Variants in ZEB2 observed in about 807,000 individuals in gnomAD.
ZEB2 encodes the protein zinc finger E-box binding homeobox 2.
Under a neutral mutation model 99.9 loss-of-function variants are expected in ZEB2, and 6 were observed. That is an observed-to-expected ratio of 0.06 (90% confidence interval 0.03 to 0.12). The LOEUF (loss-of-function observed/expected upper bound fraction) is 0.12, where lower values mean the gene tolerates loss of function less well. Among genes scored for constraint, ZEB2 ranks in the 10% least tolerant of loss-of-function variants. ZEB2 has a pLI of 1.00. For synonymous variants in ZEB2, 517 were observed against 542.5 expected (o/e 0.95, Z 0.65); for missense variants, 969 against 1,502.8 (o/e 0.64, Z 5.87).
intron 2 of ZEB2, among the ~76,000 whole-genome samples, chr2:144,470,244 G>A (rs947760878): frequency 2.0e-5 from 3 of 152,092 alleles, no homozygotes; most frequent in Admixed American, 6.6e-5. Context: ...TTTAAAACAC[G>A]CATGAATCTT....
intron 2 of ZEB2, chr2:144,494,604 T>C (rs1340892563): frequency 6.6e-6 from 1 of 152,228 alleles, no homozygotes; most frequent in African/African-American, 2.4e-5. Flanking sequence ...TTAAGGCTAC[T>C]GTTCCTTTAA....
intron 2 of ZEB2, among the ~76,000 whole-genome samples, chr2:144,446,873 G>A (rs765085031): frequency 4.6e-5 from 7 of 151,804 alleles, no homozygotes; most frequent in Non-Finnish European, 8.8e-5. Context: ...AAAATTAGCC[G>A]GGCATGGTGG....
intron 2 of ZEB2, among the ~76,000 whole-genome samples, chr2:144,445,497 A>G (rs1469208059): frequency 6.6e-6 from 1 of 151,910 alleles, no homozygotes; most frequent in Non-Finnish European, 1.5e-5. Flanking sequence ...CTAGCTAATG[A>G]ACACCTTACC....
At chr2:144,450,511 C>A (rs535183080) in intron 2 of ZEB2, 2 of 151,980 alleles carry the variant, frequency 1.3e-5, no homozygotes, top group East Asian at 1.9e-4. Context: ...GAAAGTAACG[C>A]CTTAGTGTCT....
intron 2 of ZEB2, among the ~76,000 whole-genome samples, chr2:144,474,409 C>T (rs1704402988): frequency 6.6e-6 from 1 of 152,180 alleles, no homozygotes; most frequent in Non-Finnish European, 1.5e-5. Context: ...GTCTAATGAC[C>T]ATTGCCCAAG....
At chr2:144,504,604 C>T (rs956676931) in intron 2 of ZEB2, 3 of 152,046 alleles carry the variant, frequency 2.0e-5, no homozygotes, top group Admixed American at 6.6e-5. Flanking sequence ...TATGTCAAGT[C>T]GATTTTGCAC....
rs566476744 is a variant in ZEB2 at position 144,418,698 on chromosome 2, C to A, written c.403+6098G>T. The stretch of plus-strand genomic sequence containing the variant: ...AGCGAGACTCCATCTCAAAAAAAAA[C>A]AAACAAACAAAAAAAAAAAAAAACT... On this transcript the variant is annotated intron_variant, in intron 4 of 9. Coordinates refer to ENST00000627532, the MANE Select transcript of ZEB2 (RefSeq NM_014795.4). 8.3e-4 allele frequency among the ~76,000 whole-genome samples: 122 copies of A among 146,600 alleles called. 1 individual carries two copies. The South Asian group carries it at 0.011, about 14-fold the overall frequency.
At chr2:144,475,324 C>T (rs1027511312) in intron 2 of ZEB2, among the ~76,000 whole-genome samples, 1 of 152,148 alleles carries the variant, frequency 6.6e-6, no homozygotes, top group Admixed American at 6.6e-5. Flanking sequence ...ACTCACTATG[C>T]AGCTCACATG....
intron 2 of ZEB2, among the ~76,000 whole-genome samples, chr2:144,449,083 G>A (rs949020652): frequency 6.6e-6 from 1 of 152,216 alleles, no homozygotes. Context: ...GAAACTGGCT[G>A]AGCTTTCAGC....
At chr2:144,414,237 A>G (rs1560613868) in intron 4 of ZEB2, among the ~76,000 whole-genome samples, 1 of 152,126 alleles carries the variant, frequency 6.6e-6, no homozygotes, top group Non-Finnish European at 1.5e-5. Flanking sequence ...ACCACTTCCC[A>G]TCCTAGCTTG....
At chr2:144,505,346 G>A (rs553163250) in intron 2 of ZEB2, among the ~76,000 whole-genome samples, 2 of 152,314 alleles carry the variant, frequency 1.3e-5, no homozygotes, top group Admixed American at 1.3e-4. Context: ...TGGTTTTCAA[G>A]TGATTAAGCA....
intron 6 of ZEB2, among the ~76,000 whole-genome samples, chr2:144,402,286 T>C (rs1324338007): frequency 2.0e-5 from 3 of 152,140 alleles, no homozygotes; most frequent in African/African-American, 7.2e-5. Flanking sequence ...AAAAGCCTTT[T>C]GCAAAAAGAC....
At chr2:144,405,265 G>A in intron 4 of ZEB2, 1 of 544,748 alleles carries the variant, frequency 1.8e-6, no homozygotes, top group Non-Finnish European at 3.3e-6. Flanking sequence ...TTTTCTTCCT[G>A]GAATATTAGT....
At chr2:144,422,412 T>C (rs1325168245) in intron 4 of ZEB2, among the ~76,000 whole-genome samples, 2 of 152,208 alleles carry the variant, frequency 1.3e-5, no homozygotes, top group African/African-American at 2.4e-5. Context: ...CACTCCTCCA[T>C]GACTATTGAA....
rs1253356989 is a variant in ZEB2 at position 144,387,029 on chromosome 2, GTGTATGTGTGTGTGTGTA to G, written c.*2404_*2421del. On this transcript the variant is annotated 3_prime_UTR_variant, in exon 10 of 10. Coordinates refer to ENST00000627532, the MANE Select transcript of ZEB2 (RefSeq NM_014795.4). Reference sequence around the variant, plus strand: ...ACTGTATCTTCATTACATCCTTTCTGTGTATGTGTGTGTGTGTATATATATATATATATACACACACAC... The same window carrying G: ...ACTGTATCTTCATTACATCCTTTCTGTATATATATATATATACACACACAC... 1.3e-5 allele frequency: 1 copy of G among 78,558 alleles called. No individual in the cohort carries two copies. Among genetic ancestry groups the G allele is most frequent in the Non-Finnish European group, 2.5e-5 (1 of 39,476 alleles). 4.9% of individuals were successfully genotyped at this position (78,558 alleles called of 1,614,324 possible).
Position 144,389,019 on chromosome 2 carries a change from T to C in ZEB2, c.*432A>G, listed in dbSNP as rs979655517. The C allele has an allele frequency of 2.5e-6, 1 of 393,116 alleles. No individual in the cohort carries two copies. Among genetic ancestry groups the C allele is most frequent in the Non-Finnish European group, 4.7e-6 (1 of 213,310 alleles). 24.4% of individuals were successfully genotyped at this position (393,116 alleles called of 1,614,324 possible). Reference sequence around the variant, plus strand: ...CTGATGCATTGTAGTGCGAGCACATTAAATTAAAAAGGAATAACAATAATA... The same window carrying C: ...CTGATGCATTGTAGTGCGAGCACATCAAATTAAAAAGGAATAACAATAATA... On this transcript the variant is annotated 3_prime_UTR_variant, in exon 10 of 10. Coordinates refer to ENST00000627532, the MANE Select transcript of ZEB2 (RefSeq NM_014795.4). The surrounding 1 kb of genome is among the most constrained non-coding windows in gnomAD (Gnocchi z 6.8).
chr2:144,407,516 G>C (rs1014847943), intron 4 of ZEB2, among the ~76,000 whole-genome samples: 1 of 152,146 alleles, frequency 6.6e-6, no homozygotes, highest in Non-Finnish European at 1.5e-5. Context: ...CTTGCATAAA[G>C]TATTTGCTCA....
At chr2:144,403,145 G>A (rs1703335371) in intron 6 of ZEB2, among the ~76,000 whole-genome samples, 1 of 152,144 alleles carries the variant, frequency 6.6e-6, no homozygotes, top group African/African-American at 2.4e-5. Flanking sequence ...TCCTCCCAGT[G>A]GGAAAGAGGA....
chr2:144,514,111 C>T (rs966287518), intron 2 of ZEB2: 1 of 338,692 alleles, frequency 3.0e-6, no homozygotes, highest in African/African-American at 2.1e-5. Flanking sequence ...CTCTGCCAGG[C>T]ATCTTGCTAG....
Sources: gnomAD v4.1 joint callset for allele counts (sites outside exome capture counted in the v4.1 genomes callset) on GRCh38, gnomAD v4.1.1 for gene constraint, Gnocchi (gnomAD v3.1) non-coding constraint, MANE v1.5 for transcripts, NCBI Gene and HGNC (gene_info 2026-07-23, HGNC 2026-07-21) for gene names.